The following MARCHF1 variants were observed in gnomAD, a reference collection of about 807,000 sequenced individuals.
MARCHF1 encodes the protein membrane associated ring-CH-type finger 1, also known as E3 ubiquitin-protein ligase MARCHF1.
Under a neutral mutation model 54.2 loss-of-function variants are expected in MARCHF1, and 40 were observed. The observed-to-expected ratio is 0.74, with a 90% CI of 0.57 to 0.96. MARCHF1 has a LOEUF of 0.96. MARCHF1 is among the 40% of genes least tolerant of loss of function. The probability of loss-of-function intolerance (pLI) is 0.00; values close to 1 mark genes in which losing one functional copy is unlikely to be tolerated. For missense variants in MARCHF1, 586 were observed against 656.5 expected, an observed-to-expected ratio of 0.89 and a Z score of 1.17; for synonymous variants, 236 against 236.3, an observed-to-expected ratio of 1.00 and a Z score of 0.01.
intron 4 of MARCHF1, among the ~76,000 whole-genome samples, chr4:163,734,292 A>G (rs1162153704): frequency 6.6e-6 from 1 of 152,186 alleles, no homozygotes; most frequent in East Asian, 1.9e-4. Context: ...TTAAAGGTAC[A>G]TCTGCCATAT....
intron 1 of MARCHF1, among the ~76,000 whole-genome samples, chr4:164,293,400 A>G (rs1456778782): frequency 6.6e-6 from 1 of 152,214 alleles, no homozygotes; most frequent in Non-Finnish European, 1.5e-5. Flanking sequence ...CCAGGGTATA[A>G]CAAATTAAGC....
intron 3 of MARCHF1, among the ~76,000 whole-genome samples, chr4:163,982,277 G>A (rs1467944481): frequency 6.6e-6 from 1 of 152,174 alleles, no homozygotes; most frequent in Non-Finnish European, 1.5e-5. Flanking sequence ...AAGAGAATTA[G>A]CCTTTCTACC....
intron 2 of MARCHF1, among the ~76,000 whole-genome samples, chr4:164,097,025 G>C (rs13149003): frequency 0.075 from 11,349 of 152,066 alleles, 510 homozygotes; most frequent in Middle Eastern, 0.16. Context: ...ACTCTTCATA[G>C]AGAAGTACAG....
chr4:164,176,980 C>CTATATATATATA (rs71595261), intron 1 of MARCHF1, among the ~76,000 whole-genome samples: 26 of 58,904 alleles, frequency 4.4e-4, no homozygotes, highest in African/African-American at 1.3e-3. Context: ...CTCTCTCTCT[C>CTATATATATATA]TATATATATA....
intron 5 of MARCHF1, among the ~76,000 whole-genome samples, chr4:163,686,883 T>C (rs1208484099): frequency 1.3e-5 from 2 of 152,176 alleles, no homozygotes; most frequent in South Asian, 2.1e-4. Context: ...TTTTTGTTAT[T>C]TGTAGTCATC....
intron 5 of MARCHF1, among the ~76,000 whole-genome samples, chr4:163,629,714 G>C (rs1742004293): frequency 6.6e-6 from 1 of 152,064 alleles, no homozygotes; most frequent in African/African-American, 2.4e-5. Context: ...GATAACATTG[G>C]GTGAAATACC....
chr4:164,039,007 G>A (rs914849047), intron 2 of MARCHF1, among the ~76,000 whole-genome samples: 1 of 152,016 alleles, frequency 6.6e-6, no homozygotes, highest in Non-Finnish European at 1.5e-5. Flanking sequence ...AACACTTAAA[G>A]AAAAATCATT....
intron 2 of MARCHF1, among the ~76,000 whole-genome samples, chr4:164,002,820 C>T (rs1287155444): frequency 6.6e-6 from 1 of 151,656 alleles, no homozygotes; most frequent in African/African-American, 2.4e-5. Context: ...TGCTGGTGAG[C>T]AAAAGGCCTG....
chr4:163,917,262 C>T (rs938970944), intron 3 of MARCHF1, among the ~76,000 whole-genome samples: 5 of 152,160 alleles, frequency 3.3e-5, no homozygotes, highest in Non-Finnish European at 5.9e-5. Flanking sequence ...CTCCTGTGGG[C>T]AAGAAGCTTG....
At chr4:163,999,612 G>A (rs1753146643) in intron 2 of MARCHF1, among the ~76,000 whole-genome samples, 1 of 151,490 alleles carries the variant, frequency 6.6e-6, no homozygotes, top group Admixed American at 6.6e-5. Flanking sequence ...TTTAAAGGAT[G>A]CAATTTTTCA....
chr4:164,112,992 T>C (rs1394391563), intron 1 of MARCHF1, among the ~76,000 whole-genome samples: 1 of 151,484 alleles, frequency 6.6e-6, no homozygotes, highest in Non-Finnish European at 1.5e-5. Flanking sequence ...CATTAAAAAA[T>C]TGCAAATAAA....
At chr4:163,873,893 C>T (rs986555751) in intron 3 of MARCHF1, among the ~76,000 whole-genome samples, 1 of 152,170 alleles carries the variant, frequency 6.6e-6, no homozygotes, top group Admixed American at 6.6e-5. Context: ...AATCGTACCC[C>T]TAAGAAAATG....
intron 1 of MARCHF1, among the ~76,000 whole-genome samples, chr4:164,267,875 C>T (rs2111298851): frequency 6.6e-6 from 1 of 152,142 alleles, no homozygotes; most frequent in Admixed American, 6.5e-5. Flanking sequence ...AGCCAGAATC[C>T]AGCTCTCAAA....
chr4:163,654,691 G>A (rs939878797), intron 5 of MARCHF1, among the ~76,000 whole-genome samples: 2 of 151,482 alleles, frequency 1.3e-5, no homozygotes, highest in East Asian at 3.9e-4. Context: ...CCATTTATTG[G>A]CCTGTTATTT....
chr4:164,232,028 T>G (rs1003898347), intron 1 of MARCHF1, among the ~76,000 whole-genome samples: 1 of 152,120 alleles, frequency 6.6e-6, no homozygotes, highest in African/African-American at 2.4e-5. Context: ...AATTTACAAT[T>G]AAGCCACTGT....
intron 7 of MARCHF1, among the ~76,000 whole-genome samples, chr4:163,599,503 T>C (rs139347017): frequency 0.01 from 1,529 of 152,090 alleles, 15 homozygotes; most frequent in Middle Eastern, 0.024. Context: ...CAAATACAAA[T>C]GCTCACCTCC....
At position 163,695,240 on chromosome 4, in the gene MARCHF1, G is replaced by A. The variant is rs368831563; in HGVS notation, c.162+5573C>T. Among the ~76,000 whole-genome samples the A allele has an allele frequency of 1.8e-3, 270 of 152,190 alleles. 10 individuals carry two copies. The South Asian group carries it at 0.054, about 30-fold the overall frequency. ...TTGACCTTGCTGGAAAGTACTTTGG[G>A]ATCTTAAAGGCAAGTCTGGAAAAAT... On this transcript the variant is annotated intron_variant, in intron 5 of 9. Transcript: ENST00000514618.
intron 2 of MARCHF1, among the ~76,000 whole-genome samples, chr4:164,104,399 T>C (rs1247137147): frequency 3.3e-5 from 2 of 60,922 alleles, no homozygotes; most frequent in Middle Eastern, 4.5e-3. Context: ...CAGCAGCACA[T>C]CAAAAAGCTT....
At chr4:164,067,869 A>G (rs903788454) in intron 2 of MARCHF1, among the ~76,000 whole-genome samples, 2 of 152,194 alleles carry the variant, frequency 1.3e-5, no homozygotes, top group African/African-American at 4.8e-5. Flanking sequence ...TGAACAAATC[A>G]ACAAGCAAAA....
Sources: gnomAD v4.1 joint callset for allele counts (sites outside exome capture counted in the v4.1 genomes callset) on GRCh38, gnomAD v4.1.1 for gene constraint, MANE v1.5 for transcripts, NCBI Gene and HGNC (gene_info 2026-07-23, HGNC 2026-07-21) for gene names.